The following DLG2 variants were observed in gnomAD, a reference collection of about 807,000 sequenced individuals.
DLG2 encodes disks large homolog 2.
A neutral mutation model predicts 132.5 loss-of-function variants in DLG2; 45 were observed. The ratio of observed to expected loss-of-function variants is 0.34; its 90% CI spans 0.27 to 0.44. DLG2 has a LOEUF of 0.44. Ranked by LOEUF, DLG2 falls within the 20% of genes least tolerant of loss-of-function variation. The pLI, the probability that DLG2 is intolerant of heterozygous loss-of-function variation, is 1.00. For missense variants in DLG2, 1,045 were observed against 1,196.9 expected (o/e 0.87, Z 1.87); for synonymous variants, 424 against 419.6 (o/e 1.01, Z -0.13).
chr11:85,444,515 A>G (rs1366354851), intron 3 of DLG2, among the ~76,000 whole-genome samples: 4 of 152,226 alleles, frequency 2.6e-5, no homozygotes, highest in Non-Finnish European at 5.9e-5. Flanking sequence ...TTCCTTAGGC[A>G]CAGTTAGATT....
chr11:83,650,190 C>G (rs2069715641), intron 18 of DLG2, among the ~76,000 whole-genome samples: 1 of 152,148 alleles, frequency 6.6e-6, no homozygotes, highest in African/African-American at 2.4e-5. Context: ...ATCCCGAGAA[C>G]TTGTGAATGT....
chr11:84,021,596 C>T (rs192789294), intron 11 of DLG2, among the ~76,000 whole-genome samples: 110 of 152,254 alleles, frequency 7.2e-4, no homozygotes, highest in African/African-American at 2.4e-3. Flanking sequence ...ATGACAGTAC[C>T]TGTGGGTGGA....
intron 6 of DLG2, among the ~76,000 whole-genome samples, chr11:84,739,655 T>C (rs966712280): frequency 6.6e-6 from 1 of 152,194 alleles, no homozygotes; most frequent in African/African-American, 2.4e-5. Flanking sequence ...TAAAACTACC[T>C]GGCTAAGGAA....
chr11:84,609,030 C>T (rs1382467090), intron 6 of DLG2, among the ~76,000 whole-genome samples: 3 of 152,158 alleles, frequency 2.0e-5, no homozygotes, highest in Admixed American at 2.0e-4. Context: ...AATCTCTGTT[C>T]TTGATCCCTA....
intron 6 of DLG2, among the ~76,000 whole-genome samples, chr11:84,851,310 C>A (rs1440503324): frequency 6.6e-6 from 1 of 152,064 alleles, no homozygotes. Flanking sequence ...TATTGTTGCA[C>A]ATATTTTCTG....
intron 17 of DLG2, among the ~76,000 whole-genome samples, chr11:83,796,254 C>T (rs1297021648): frequency 6.6e-6 from 1 of 152,180 alleles, no homozygotes; most frequent in African/African-American, 2.4e-5. Context: ...AACTCACTGC[C>T]TTTCAGGAAA....
chr11:83,662,917 C>T (rs1200341668), intron 18 of DLG2, among the ~76,000 whole-genome samples: 9 of 152,160 alleles, frequency 5.9e-5, no homozygotes, highest in Non-Finnish European at 1.0e-4. Flanking sequence ...CCTCAGACTC[C>T]ACAGTCCACT....
chr11:84,169,890 C>T (rs114042541), intron 8 of DLG2, among the ~76,000 whole-genome samples: 19 of 150,196 alleles, frequency 1.3e-4, no homozygotes, highest in African/African-American at 4.4e-4. Flanking sequence ...AAAAAAAAAT[C>T]TCAACTAAAC....
At chr11:85,423,547 G>A (rs1290356707) in intron 3 of DLG2, among the ~76,000 whole-genome samples, 1 of 152,120 alleles carries the variant, frequency 6.6e-6, no homozygotes, top group Admixed American at 6.5e-5. Flanking sequence ...AGAACCACTG[G>A]GTGGGAAGAG....
At chr11:85,288,357 A>G (rs981021690) in intron 3 of DLG2, among the ~76,000 whole-genome samples, 3 of 152,172 alleles carry the variant, frequency 2.0e-5, no homozygotes, top group African/African-American at 4.8e-5. Context: ...ATCTGTACAG[A>G]TATACATCTT....
At chr11:84,615,706 T>G (rs2099602732) in intron 6 of DLG2, among the ~76,000 whole-genome samples, 1 of 150,540 alleles carries the variant, frequency 6.6e-6, no homozygotes, top group Non-Finnish European at 1.5e-5. Context: ...TACCACAAAA[T>G]AGAGGCTGGT....
intron 6 of DLG2, among the ~76,000 whole-genome samples, chr11:85,048,453 C>A (rs2062568486): frequency 1.3e-5 from 2 of 151,888 alleles, no homozygotes; most frequent in South Asian, 4.1e-4. Context: ...CAGAGAGAGA[C>A]CTTAACAGGA....
chr11:83,938,719 G>T (rs2082032623), intron 14 of DLG2, among the ~76,000 whole-genome samples: 1 of 152,130 alleles, frequency 6.6e-6, no homozygotes. Context: ...TGGTCCCTTT[G>T]TTTGTTGAAC....
chr11:85,138,563 C>G (rs1366643662), intron 5 of DLG2, among the ~76,000 whole-genome samples: 1 of 152,054 alleles, frequency 6.6e-6, no homozygotes, highest in South Asian at 2.1e-4. Context: ...TGGTTGTGTC[C>G]CCACCCAAAT....
intron 6 of DLG2, among the ~76,000 whole-genome samples, chr11:84,776,773 T>A (rs185552495): frequency 1.3e-5 from 2 of 152,334 alleles, no homozygotes; most frequent in Admixed American, 1.3e-4. Context: ...TTCCATTATA[T>A]GGATATACCA....
In DLG2 at chr11:84,808,663, G is replaced by A. The variant is rs1057287430; in HGVS notation, c.358-273932C>T. Among the ~76,000 whole-genome samples the A allele has an allele frequency of 4.6e-5, 7 of 151,996 alleles. No individual in the cohort carries two copies. The South Asian group carries it at 8.3e-4, about 18-fold the overall frequency. Reference sequence around the variant, plus strand: ...GAGACATCCAGAGGACAAGAAGTGAGTACTACAAACAGTTCTATACACATA... The same window carrying A: ...GAGACATCCAGAGGACAAGAAGTGAATACTACAAACAGTTCTATACACATA... On this transcript the variant is annotated intron_variant, in intron 6 of 27. Coordinates refer to ENST00000376104, the MANE Select transcript of DLG2 (RefSeq NM_001142699.3).
intron 19 of DLG2, among the ~76,000 whole-genome samples, chr11:83,551,357 C>T (rs920342358): frequency 6.6e-6 from 1 of 152,130 alleles, no homozygotes; most frequent in South Asian, 2.1e-4. Flanking sequence ...TGTTTATGGA[C>T]TGACAAATGA....
At chr11:84,049,312 A>G (rs2096305075) in intron 11 of DLG2, among the ~76,000 whole-genome samples, 2 of 151,828 alleles carry the variant, frequency 1.3e-5, no homozygotes, top group African/African-American at 2.4e-5. Context: ...TAAAAATCAA[A>G]TATCTAGAAA....
At chr11:83,542,650 T>G (rs2096112993) in intron 19 of DLG2, among the ~76,000 whole-genome samples, 1 of 152,182 alleles carries the variant, frequency 6.6e-6, no homozygotes, top group Non-Finnish European at 1.5e-5. Context: ...GCCAATGCAC[T>G]GTAATATGTA....
Sources: gnomAD v4.1 joint callset for allele counts (sites outside exome capture counted in the v4.1 genomes callset) on GRCh38, gnomAD v4.1.1 for gene constraint, MANE v1.5 for transcripts, NCBI Gene and HGNC (gene_info 2026-07-23, HGNC 2026-07-21) for gene names.